The following CLMN variants were observed in gnomAD, a reference collection of about 807,000 sequenced individuals.
CLMN encodes calmin (calponin-like, transmembrane).
Under a neutral mutation model 92.7 loss-of-function variants are expected in CLMN, and 57 were observed. The ratio of observed to expected loss-of-function variants is 0.61; its 90% CI spans 0.50 to 0.77. The LOEUF (loss-of-function observed/expected upper bound fraction) is 0.77. Ranked by LOEUF, CLMN falls within the 30% of genes least tolerant of loss-of-function variation. The pLI, the probability that CLMN is intolerant of heterozygous loss-of-function variation, is 0.00. For missense variants in CLMN, 1,158 were observed against 1,237.5 expected (o/e 0.94, Z 0.96); for synonymous variants, 466 against 470.6 (o/e 0.99, Z 0.13).
chr14:95,215,752 T>C lies in CLMN; in HGVS notation c.325-19A>G, dbSNP rs1474101163. 4 of 1,600,740 alleles carry C rather than the reference T, an allele frequency of 2.5e-6. No homozygotes were observed. Among genetic ancestry groups the C allele is most frequent in the East Asian group, 2.2e-5 (1 of 44,802 alleles). ...GTTTTACCTGGAGGGAAGCAATTTATGAACTTAAAGCGAGGTGTCCAGGGA... is the reference window on the plus strand; with the variant it reads ...GTTTTACCTGGAGGGAAGCAATTTACGAACTTAAAGCGAGGTGTCCAGGGA... On this transcript the variant is annotated intron_variant, in intron 4 of 12. Transcript: ENST00000298912.
At chr14:95,271,378 G>A (rs747081826) in intron 1 of CLMN, among the ~76,000 whole-genome samples, 2 of 152,130 alleles carry the variant, frequency 1.3e-5, no homozygotes, top group African/African-American at 2.4e-5. Flanking sequence ...AACAGCAGCC[G>A]TGTTCTCCCG....
At chr14:95,251,904 A>T (rs944587561) in intron 1 of CLMN, among the ~76,000 whole-genome samples, 1 of 152,160 alleles carries the variant, frequency 6.6e-6, no homozygotes, top group Non-Finnish European at 1.5e-5. Context: ...CAAGGACCCG[A>T]GCCAGGCCTG....
intron 4 of CLMN, among the ~76,000 whole-genome samples, chr14:95,217,047 A>G (rs757246942): frequency 6.6e-6 from 1 of 152,220 alleles, no homozygotes; most frequent in Non-Finnish European, 1.5e-5. Context: ...CTCTCTGAAA[A>G]GGGCCAGAGA....
chr14:95,208,978 T>C (rs1027230891), intron 8 of CLMN, among the ~76,000 whole-genome samples: 6 of 152,360 alleles, frequency 3.9e-5, no homozygotes, highest in East Asian at 1.9e-4. Flanking sequence ...TGTGTTCACA[T>C]AGCCCTTATT....
intron 1 of CLMN, among the ~76,000 whole-genome samples, chr14:95,245,225 T>TATATATATAA (rs1491192837): frequency 3.7e-4 from 9 of 24,346 alleles, no homozygotes; most frequent in African/African-American, 2.2e-3. Context: ...TATATATATA[T>TATATATATAA]TATATATATA....
intron 1 of CLMN, among the ~76,000 whole-genome samples, chr14:95,300,045 A>G (rs963630910): frequency 1.3e-5 from 2 of 152,218 alleles, no homozygotes; most frequent in African/African-American, 4.8e-5. Context: ...AGACGCCTCT[A>G]CAGAGCGAGA....
At chr14:95,313,918 C>T (rs923244053) in intron 1 of CLMN, among the ~76,000 whole-genome samples, 2 of 152,166 alleles carry the variant, frequency 1.3e-5, no homozygotes, top group East Asian at 3.8e-4. Flanking sequence ...AGGGTTGCTT[C>T]CCTAGAGCTG....
chr14:95,250,511 G>T (rs1312485127), intron 1 of CLMN, among the ~76,000 whole-genome samples: 1 of 152,170 alleles, frequency 6.6e-6, no homozygotes, highest in Non-Finnish European at 1.5e-5. Context: ...AGATAAGATG[G>T]CTCGGCAGAC....
In CLMN at chr14:95,259,669, C is replaced by T. The variant is rs114043083; in HGVS notation, c.83-29536G>A. Among the ~76,000 whole-genome samples, 220 of 152,260 alleles carry T rather than the reference C, an allele frequency of 1.4e-3. 1 individual carries two copies. The highest frequency in any genetic ancestry group is 5.1e-3 in the African/African-American group (212 of 41,546). On this transcript the variant is annotated intron_variant, in intron 1 of 12. Transcript: ENST00000298912. This position sits in a 1 kb window ranked among gnomAD's most constrained non-coding sequence, Gnocchi z 4.3. Reference sequence around the variant, plus strand: ...CACCCCCACCCCCAGGTGGGACCAGCACAGGGCAGATACCTGTTCTGAACT... The same window carrying T: ...CACCCCCACCCCCAGGTGGGACCAGTACAGGGCAGATACCTGTTCTGAACT...
chr14:95,255,845 T>C (rs1316656299), intron 1 of CLMN, among the ~76,000 whole-genome samples: 1 of 152,158 alleles, frequency 6.6e-6, no homozygotes, highest in African/African-American at 2.4e-5. Flanking sequence ...CTCATGAAGT[T>C]TTTGAGTGCT....
At chr14:95,221,154 G>A (rs1045470378) in intron 4 of CLMN, among the ~76,000 whole-genome samples, 11 of 152,114 alleles carry the variant, frequency 7.2e-5, no homozygotes, top group Middle Eastern at 3.4e-3. Context: ...GTGATGAAAC[G>A]TCCTCCCTGC....
In CLMN at chr14:95,245,211, T is replaced by TA. The variant is rs1369958932; in HGVS notation, c.83-15079dup. ...ATATATATAATATATATATATATTA[T>TA]ATATATATATATATTATATATATAT... On this transcript the variant is annotated intron_variant, in intron 1 of 12. Transcript: ENST00000298912. Among the ~76,000 whole-genome samples, 61 of 21,700 alleles carry TA rather than the reference T, an allele frequency of 2.8e-3. 1 individual carries two copies. Among genetic ancestry groups the TA allele is most frequent in the South Asian group, 5.4e-3 (3 of 560 alleles). The allele number at this position is 21,700 out of a possible 152,430, so 14.2% of individuals were successfully genotyped here.
rs550822676 is a variant in CLMN at position 95,319,689 on chromosome 14, G to A, written c.82+22C>T. On this transcript the variant is annotated intron_variant, in intron 1 of 12. Coordinates refer to ENST00000298912, the MANE Select transcript of CLMN (RefSeq NM_024734.4). ...GCCCCCCGAGCGCCCAGCCATCCCG[G>A]GGCGAGCCTGGGCTGCGTTACCTTG... 1.9e-6 allele frequency: 3 copies of A among 1,585,662 alleles called. No homozygotes were observed. In the South Asian group the frequency reaches 3.3e-5, roughly 18 times the overall value.
rs533521576 is a variant in CLMN, at chr14:95,208,052, CAGGCAGCCCAGAGACACAGGGGCA to C, written c.885+1319_885+1342del. ...GAGCCATGCTGGATTGCAGGAATGGCAGGCAGCCCAGAGACACAGGGGCAAGGCAGCCAGCTAGAAAAGCAGCTC... is the reference window on the plus strand; with the variant it reads ...GAGCCATGCTGGATTGCAGGAATGGCAGGCAGCCAGCTAGAAAAGCAGCTC... On this transcript the variant is annotated intron_variant, in intron 8 of 12. Coordinates refer to ENST00000298912, the MANE Select transcript of CLMN (RefSeq NM_024734.4). Among the ~76,000 whole-genome samples the C allele has an allele frequency of 3.7e-3, 556 of 152,306 alleles. 6 individuals carry two copies. The highest frequency in any genetic ancestry group is 0.012 in the African/African-American group (517 of 41,558).
intron 1 of CLMN, among the ~76,000 whole-genome samples, chr14:95,275,506 A>C (rs1301535107): frequency 6.6e-6 from 1 of 152,174 alleles, no homozygotes; most frequent in Non-Finnish European, 1.5e-5. Flanking sequence ...TATGGTCTAA[A>C]AAGGGGAGGA....
rs775691971 is a variant in CLMN, at chr14:95,197,354, AAAG to A, written c.2512-663_2512-661del. ...AGAAAGAAGAAAAGTAAAGAAGAAAAAAGAAGGAGAGAAGGAAGGAAGGAAGAT... is the reference window on the plus strand; with the variant it reads ...AGAAAGAAGAAAAGTAAAGAAGAAAAAAGGAGAGAAGGAAGGAAGGAAGAT... On this transcript the variant is annotated intron_variant, in intron 9 of 12. Transcript: ENST00000298912. Among the ~76,000 whole-genome samples, 80 of 152,000 alleles carry A rather than the reference AAAG, an allele frequency of 5.3e-4. 1 individual carries two copies. Among genetic ancestry groups the A allele is most frequent in the Admixed American group, 2.4e-3 (37 of 15,284 alleles).
intron 1 of CLMN, among the ~76,000 whole-genome samples, chr14:95,276,899 A>C (rs1160403355): frequency 6.6e-6 from 1 of 152,152 alleles, no homozygotes; most frequent in Non-Finnish European, 1.5e-5. Context: ...GGCATCTTGC[A>C]AAATTGAGAG....
chr14:95,210,975 G>A, intron 6 of CLMN, 96 bp from the exon 7 acceptor site: 1 of 1,325,998 alleles, frequency 7.5e-7, no homozygotes, highest in East Asian at 2.7e-5. Context: ...GTTTTTGAGT[G>A]GGGCAGAGCT....
chr14:95,253,215 C>T (rs535879488), intron 1 of CLMN, among the ~76,000 whole-genome samples: 2 of 152,336 alleles, frequency 1.3e-5, no homozygotes, highest in South Asian at 2.1e-4. Context: ...AAGCTTCTGC[C>T]TGCACGAAGT....
Sources: allele counts gnomAD v4.1 joint callset (sites outside exome capture counted in the v4.1 genomes callset), GRCh38; gene constraint gnomAD v4.1.1; non-coding constraint Gnocchi (gnomAD v3.1); transcripts MANE v1.5; gene names NCBI Gene and HGNC (gene_info 2026-07-23, HGNC 2026-07-21).